The following RNF144A variants were observed in gnomAD, a reference collection of about 807,000 sequenced individuals.
RNF144A encodes the protein E3 ubiquitin-protein ligase RNF144A.
In RNF144A, 11 loss-of-function variants were observed where a neutral mutation model predicts 38.7. The ratio of observed to expected loss-of-function variants is 0.28; its 90% CI spans 0.18 to 0.47. The LOEUF (loss-of-function observed/expected upper bound fraction) is 0.47, where lower values mean the gene tolerates loss of function less well. RNF144A is among the 20% of genes least tolerant of loss of function. The pLI is 0.99. For synonymous variants in RNF144A, 149 were observed against 143.9 expected (o/e 1.04, Z -0.25); for missense variants, 316 against 377.2 (o/e 0.84, Z 1.34).
chr2:7,032,997 A>T (rs866463592), intron 8 of RNF144A, among the ~76,000 whole-genome samples: 1 of 152,240 alleles, frequency 6.6e-6, no homozygotes, highest in South Asian at 2.1e-4. Flanking sequence ...GTGTGAGTGG[A>T]TGCTGTTGTG....
chr2:6,965,301 G>A (rs1298812661), intron 2 of RNF144A, among the ~76,000 whole-genome samples: 1 of 152,184 alleles, frequency 6.6e-6, no homozygotes, highest in Non-Finnish European at 1.5e-5. Flanking sequence ...GTGTGTCGGA[G>A]GCTGTCATAG....
At chr2:7,002,323 C>T (rs1441805184) in intron 3 of RNF144A, among the ~76,000 whole-genome samples, 1 of 152,168 alleles carries the variant, frequency 6.6e-6, no homozygotes, top group Admixed American at 6.5e-5. Context: ...AATCCCTGCC[C>T]CCTCTGATCC....
At position 7,039,887 on chromosome 2, in the gene RNF144A, A is replaced by T. The variant is rs1672943360; in HGVS notation, c.*127A>T. 1.3e-5 allele frequency: 19 copies of T among 1,460,044 alleles called. No individual in the cohort carries two copies. In the South Asian group the frequency reaches 2.7e-4, roughly 21 times the overall value. The allele number at this position is 1,460,044 out of a possible 1,614,324, so 90.4% of individuals were successfully genotyped here. On this transcript the variant is annotated 3_prime_UTR_variant, in exon 9 of 9. Coordinates refer to ENST00000320892, the MANE Select transcript of RNF144A (RefSeq NM_014746.6). ...GTGCCCCATTGAGCTTCACAGTGTC[A>T]GGCTGGACGCCGTGATTTCAGGGAC...
At chr2:6,936,599 C>A (rs1368157447) in intron 1 of RNF144A, among the ~76,000 whole-genome samples, 4 of 152,274 alleles carry the variant, frequency 2.6e-5, no homozygotes, top group African/African-American at 9.6e-5. Context: ...TTGATAGACA[C>A]ACACTTGGTG....
intron 3 of RNF144A, among the ~76,000 whole-genome samples, chr2:7,008,404 C>A (rs1670585663): frequency 6.6e-6 from 1 of 152,246 alleles, no homozygotes; most frequent in East Asian, 1.9e-4. Context: ...TGAAGCTCTG[C>A]TGACACAGTG....
chr2:7,001,652 G>C (rs1253755485), intron 3 of RNF144A, among the ~76,000 whole-genome samples: 1 of 152,164 alleles, frequency 6.6e-6, no homozygotes, highest in African/African-American at 2.4e-5. Flanking sequence ...ACTCCAGCCT[G>C]GGCAGCAGAG....
intron 2 of RNF144A, among the ~76,000 whole-genome samples, chr2:6,995,033 C>T (rs1231503992): frequency 6.6e-6 from 1 of 152,148 alleles, no homozygotes; most frequent in East Asian, 1.9e-4. Context: ...CCTTCTGGGC[C>T]AGACGTGTCT....
At chr2:7,055,335 CT>C (rs1673699303) in intron 6 of RNF144A, among the ~76,000 whole-genome samples, 1 of 152,154 alleles carries the variant, frequency 6.6e-6, no homozygotes, top group Non-Finnish European at 1.5e-5. Flanking sequence ...AGTATTGCAT[CT>C]TGATTTGGTC....
chr2:7,068,666 G>A (rs191221695), downstream of RNF144A, among the ~76,000 whole-genome samples: 8 of 152,336 alleles, frequency 5.3e-5, no homozygotes, highest in South Asian at 2.1e-4. Flanking sequence ...TGAGCATAAC[G>A]GAAGCAGCTG....
chr2:7,001,360 T>A (rs1670088393), intron 3 of RNF144A, among the ~76,000 whole-genome samples: 1 of 149,260 alleles, frequency 6.7e-6, no homozygotes, highest in Admixed American at 6.7e-5. Context: ...TAAAATAAAA[T>A]TAAAATAAAT....
chr2:7,009,420 C>G (rs1438501665), intron 3 of RNF144A, among the ~76,000 whole-genome samples: 1 of 152,110 alleles, frequency 6.6e-6, no homozygotes, highest in African/African-American at 2.4e-5. Flanking sequence ...GCCTCCTGCA[C>G]ACCACCCAAG....
chr2:6,922,252 C>CCTCCGAAG (rs1217370287), intron 1 of RNF144A, among the ~76,000 whole-genome samples: 1 of 30,008 alleles, frequency 3.3e-5, no homozygotes, highest in Non-Finnish European at 1.3e-4. Flanking sequence ...GGCCAGCGAA[C>CCTCCGAAG]TAGACATTAG....
chr2:6,923,091 C>G (rs1281495211), intron 1 of RNF144A, among the ~76,000 whole-genome samples: 1 of 152,162 alleles, frequency 6.6e-6, no homozygotes, highest in Non-Finnish European at 1.5e-5. Flanking sequence ...GCACCACCTG[C>G]TCGACCCCTG....
rs564594995 is a variant in RNF144A, at chr2:6,966,037, C to T, written c.-12+24890C>T. 1.7e-4 allele frequency among the ~76,000 whole-genome samples: 26 copies of T among 152,314 alleles called. 1 individual carries two copies. In the South Asian group the frequency reaches 4.8e-3, roughly 28 times the overall value. On this transcript the variant is annotated intron_variant, in intron 2 of 8. Coordinates refer to ENST00000320892, the MANE Select transcript of RNF144A (RefSeq NM_014746.6). ...TTGTTTACTCAGCCACAATTGTTAGCCCCGACCTTTGCAGGTACTTCAAAG... is the reference window on the plus strand; with the variant it reads ...TTGTTTACTCAGCCACAATTGTTAGTCCCGACCTTTGCAGGTACTTCAAAG...
At chr2:7,027,892 A>G (rs1292690206) in intron 7 of RNF144A, among the ~76,000 whole-genome samples, 1 of 151,334 alleles carries the variant, frequency 6.6e-6, no homozygotes, top group African/African-American at 2.4e-5. Context: ...AGTGCTTTTT[A>G]AATAAACATT....
intron 1 of RNF144A, chr2:6,918,789 A>AAAAAAAAAAAC: frequency 6.7e-6 from 1 of 149,936 alleles, no homozygotes; most frequent in Non-Finnish European, 1.5e-5. Flanking sequence ...AAAAAAAAAA[A>AAAAAAAAAAAC]ATCCATTGAA....
chr2:6,949,223 A>G (rs1054609029), intron 2 of RNF144A, among the ~76,000 whole-genome samples: 2 of 152,220 alleles, frequency 1.3e-5, no homozygotes, highest in Non-Finnish European at 2.9e-5. Flanking sequence ...CTGCTGTTAA[A>G]CATTTCTTCA....
chr2:7,050,628 A>C lies in RNF144A; in HGVS notation c.735-17588A>C, dbSNP rs76582937. On this transcript the variant is annotated intron_variant, in intron 6 of 6. Coordinates refer to the RNF144A transcript ENST00000432850. ...GATGCTTCTGTTGAAAACCATTGAG[A>C]GCCTTCTGCTTCCTGTGTCGTTAAA... 9.0e-3 allele frequency among the ~76,000 whole-genome samples: 1,370 copies of C among 152,142 alleles called. 23 individuals carry two copies. The highest frequency in any genetic ancestry group is 0.032 in the African/African-American group (1,313 of 41,484).
chr2:6,992,844 A>T (rs1040063202), intron 2 of RNF144A, among the ~76,000 whole-genome samples: 1 of 152,228 alleles, frequency 6.6e-6, no homozygotes, highest in African/African-American at 2.4e-5. Flanking sequence ...CACAAGGCAC[A>T]ATCCTTTGCA....
Sources: gnomAD v4.1 joint callset for allele counts (sites outside exome capture counted in the v4.1 genomes callset) on GRCh38, gnomAD v4.1.1 for gene constraint, MANE v1.5 for transcripts, NCBI Gene and HGNC (gene_info 2026-07-23, HGNC 2026-07-21) for gene names.